Variants in INSL6 observed in about 807,000 individuals in gnomAD.
INSL6 encodes insulin like 6.
Under a neutral mutation model 9.4 loss-of-function variants are expected in INSL6, and 16 were observed. The ratio of observed to expected loss-of-function variants is 1.70; its 90% CI spans 1.15 to 2.59. The LOEUF (loss-of-function observed/expected upper bound fraction) is 2.59, where lower values mean the gene tolerates loss of function less well. INSL6 is among the 30% of genes most tolerant of loss of function. The pLI is 0.00. For synonymous variants in INSL6, 154 were observed against 96.9 expected (o/e 1.59, Z -3.46); for missense variants, 391 against 257.3 (o/e 1.52, Z -3.56).
intron 3 of INSL6, chr9:5,125,897 G>A (rs542418517): frequency 3.3e-5 from 5 of 151,710 alleles, no homozygotes; most frequent in African/African-American, 1.2e-4. Context: ...TATTTTCCTA[G>A]CTTATAATTC....
the INSL6 span, chr9:5,112,412 G>C: frequency 4.2e-6 from 2 of 474,034 alleles, no homozygotes; most frequent in Non-Finnish European, 7.8e-6. Context: ...AGGATGAGGA[G>C]AACACGTCGG....
the INSL6 span, among the ~76,000 whole-genome samples, chr9:5,035,060 G>A: frequency 5.9e-5 from 9 of 152,098 alleles, no homozygotes; most frequent in Admixed American, 2.6e-4. Flanking sequence ...ATATCAACCC[G>A]ATCCCACAGA....
the INSL6 span, among the ~76,000 whole-genome samples, chr9:5,027,178 C>T: frequency 6.6e-6 from 1 of 152,100 alleles, no homozygotes; most frequent in Non-Finnish European, 1.5e-5. Context: ...TTGAAAGAGT[C>T]TCAGCAGTTA....
At chr9:5,029,205 T>C in the INSL6 span, among the ~76,000 whole-genome samples, 1 of 152,172 alleles carries the variant, frequency 6.6e-6, no homozygotes, top group Non-Finnish European at 1.5e-5. Flanking sequence ...ATTTCCATAT[T>C]GTTGTGTCTC....
chr9:5,026,840 A>G, the INSL6 span, among the ~76,000 whole-genome samples: 1 of 152,222 alleles, frequency 6.6e-6, no homozygotes, highest in Non-Finnish European at 1.5e-5. Flanking sequence ...TTGTTGATGT[A>G]CCTTCTAAAA....
chr9:5,091,957 A>G, the INSL6 span, among the ~76,000 whole-genome samples: 1 of 152,090 alleles, frequency 6.6e-6, no homozygotes, highest in Admixed American at 6.5e-5. Flanking sequence ...AAGTAGGGAT[A>G]ATACTGTTAG....
the INSL6 span, among the ~76,000 whole-genome samples, chr9:5,014,952 T>C: frequency 1.3e-5 from 2 of 152,024 alleles, no homozygotes; most frequent in Non-Finnish European, 2.9e-5. Context: ...CGGGGGGAGA[T>C]TTGTTTAACA....
intron 1 of INSL6, among the ~76,000 whole-genome samples, chr9:5,167,165 G>A (rs974309235): frequency 3.0e-4 from 45 of 152,328 alleles, no homozygotes; most frequent in African/African-American, 1.0e-3. Flanking sequence ...GGCAAAGGGA[G>A]CTCCCTTCCC....
At chr9:5,002,185 A>T in the INSL6 span, among the ~76,000 whole-genome samples, 1 of 151,348 alleles carries the variant, frequency 6.6e-6, no homozygotes, top group Admixed American at 6.6e-5. Flanking sequence ...TTTGTTCTTT[A>T]TTCTTTCTTC....
intron 2 of INSL6, among the ~76,000 whole-genome samples, chr9:5,135,662 A>T (rs1176579941): frequency 2.0e-5 from 3 of 152,222 alleles, no homozygotes; most frequent in African/African-American, 7.2e-5. Flanking sequence ...TGCCCACAAG[A>T]GAAAGCAGGA....
the INSL6 span, among the ~76,000 whole-genome samples, chr9:5,010,120 C>T: frequency 1.3e-5 from 2 of 152,124 alleles, no homozygotes; most frequent in African/African-American, 4.8e-5. Context: ...TCATTCTAGT[C>T]CTATCTACTT....
chr9:5,185,335 G>C lies in INSL6; in HGVS notation c.268C>G (p.Arg90Gly), dbSNP rs140515241. Residue 90 changes from arginine to glycine, a missense_variant, in exon 1 of 2, where the codon CGG becomes GGG. By Grantham distance (125) the Arg-to-Gly change is moderately radical. Coordinates refer to ENST00000381641, the MANE Select transcript of INSL6 (RefSeq NM_007179.3). Reference sequence around the variant, plus strand: ...TTACCTGGGTTTGTGCCTCTTCCCCGGGCCGGGGAAGCGGTTTGCGGGCTT... The same window carrying C: ...TTACCTGGGTTTGTGCCTCTTCCCCCGGCCGGGGAAGCGGTTTGCGGGCTT... Reference protein sequence around the residue: ...FESPQTASPARGRGTNPVSTS... With the variant: ...FESPQTASPAGGRGTNPVSTS... 1.9e-6 allele frequency: 3 copies of C among 1,614,070 alleles called. No homozygotes were observed. The highest frequency in any genetic ancestry group is 1.7e-5 in the Admixed American group (1 of 60,024).
At chr9:4,998,349 C>T in the INSL6 span, among the ~76,000 whole-genome samples, 1 of 152,070 alleles carries the variant, frequency 6.6e-6, no homozygotes, top group African/African-American at 2.4e-5. Flanking sequence ...TTCTGCCTCC[C>T]AGATTCAAGC....
chr9:5,101,774 C>T, the INSL6 span, among the ~76,000 whole-genome samples: 1 of 152,178 alleles, frequency 6.6e-6, no homozygotes, highest in Non-Finnish European at 1.5e-5. Flanking sequence ...TGGAGTGGAC[C>T]TCCAGCAAAC....
At chr9:5,112,378 C>G in the INSL6 span, 6 of 416,410 alleles carry the variant, frequency 1.4e-5, no homozygotes, top group Non-Finnish European at 2.7e-5. Flanking sequence ...GAGCAGGCCA[C>G]TGGGGAAATC....
At chr9:5,090,845 C>G in the INSL6 span, 3 of 1,613,256 alleles carry the variant, frequency 1.9e-6, no homozygotes, top group African/African-American at 1.3e-5. Flanking sequence ...TTTGGGTTAA[C>G]CAAAGTCTTG....
At chr9:5,120,948 A>G (rs905543529), downstream of INSL6, among the ~76,000 whole-genome samples, 2 of 152,210 alleles carry the variant, frequency 1.3e-5, no homozygotes, top group African/African-American at 2.4e-5. Context: ...GAAATGTTCT[A>G]AAAGTCTGGA....
intron 3 of INSL6, chr9:5,128,052 C>T (rs1824112544): frequency 4.3e-6 from 1 of 230,552 alleles, no homozygotes; most frequent in African/African-American, 2.2e-5. Flanking sequence ...ACTTTAGACA[C>T]CATAGCTAAA....
the INSL6 span, among the ~76,000 whole-genome samples, chr9:5,117,088 C>A: frequency 6.6e-6 from 1 of 152,216 alleles, no homozygotes; most frequent in Non-Finnish European, 1.5e-5. Flanking sequence ...CGGCATTCCT[C>A]TCCTCTAAAA....
Sources: gnomAD v4.1 joint callset for allele counts (sites outside exome capture counted in the v4.1 genomes callset) on GRCh38, gnomAD v4.1.1 for gene constraint, MANE v1.5 for transcripts, NCBI Gene and HGNC (gene_info 2026-07-23, HGNC 2026-07-21) for gene names.